RARG: variants seen among roughly 807,000 people sequenced by gnomAD.
RARG encodes the protein retinoic acid receptor gamma.
Under a neutral mutation model 43.7 loss-of-function variants are expected in RARG, and 17 were observed. That is an observed-to-expected ratio of 0.39 (90% CI 0.27 to 0.58). The LOEUF (loss-of-function observed/expected upper bound fraction) is 0.58. RARG is among the 20% of genes least tolerant of loss of function. The probability of loss-of-function intolerance (pLI) is 0.57; values close to 1 mark genes in which losing one functional copy is unlikely to be tolerated. For missense variants in RARG, 346 were observed against 598.7 expected, an observed-to-expected ratio of 0.58 and a Z score of 4.40; for synonymous variants, 238 against 236.4, an observed-to-expected ratio of 1.01 and a Z score of -0.06.
At chr12:53,216,901 A>T (rs1942788151) in intron 3 of RARG, among the ~76,000 whole-genome samples, 1 of 151,666 alleles carries the variant, frequency 6.6e-6, no homozygotes, top group Non-Finnish European at 1.5e-5. Flanking sequence ...TTTGTAAATT[A>T]TTCAACCTGT....
At chr12:53,226,574 C>T (rs2120726428) in intron 3 of RARG, among the ~76,000 whole-genome samples, 1 of 152,098 alleles carries the variant, frequency 6.6e-6, no homozygotes, top group South Asian at 2.1e-4. Flanking sequence ...ATCTGCCCTC[C>T]TTGGCCTCCC....
At chr12:53,217,221 G>T (rs1039620275) in intron 3 of RARG, among the ~76,000 whole-genome samples, 4 of 152,136 alleles carry the variant, frequency 2.6e-5, no homozygotes, top group South Asian at 2.1e-4. Context: ...GAGAGGAGAG[G>T]GGGGAAAGAA....
At position 53,213,772 on chromosome 12, in the gene RARG, TGAG is replaced by T. The variant is rs1303052612; in HGVS notation, c.814-75_814-73del. Reference sequence around the variant, plus strand: ...GGGAAAAGAGGGAATGAGTGGAAAGTGAGGAGGTTAGGTCCCCAGTGAGTGCAA... The same window carrying T: ...GGGAAAAGAGGGAATGAGTGGAAAGTGAGGTTAGGTCCCCAGTGAGTGCAA... On this transcript the variant is annotated intron_variant, in intron 7 of 9. Coordinates refer to ENST00000425354, the MANE Select transcript of RARG (RefSeq NM_000966.6). This position sits in a 1 kb window ranked among gnomAD's most constrained non-coding sequence, Gnocchi z 4.7. The T allele has an allele frequency of 7.5e-6, 11 of 1,458,008 alleles. No homozygotes were observed. Among genetic ancestry groups the T allele is most frequent in the Middle Eastern group, 1.8e-4 (1 of 5,574 alleles). 90.3% of individuals were successfully genotyped at this position (1,458,008 alleles called of 1,614,324 possible).
In RARG at chr12:53,213,242, G is replaced by T; in HGVS notation, c.1020C>A (p.Asp340Glu). The T allele has an allele frequency of 6.4e-7, 1 of 1,572,214 alleles. No homozygotes were observed. Among genetic ancestry groups the T allele is most frequent in the Non-Finnish European group, 8.8e-7 (1 of 1,142,576 alleles). Residue 340 changes from aspartate (D) to glutamate (E), a missense_variant and splice_region_variant, in exon 9 of 10, where the codon GAC (aspartate) becomes GAA (glutamate). Physicochemically the swap from Asp to Glu is conservative, Grantham distance 45. Transcript: ENST00000425354. The surrounding 1 kb of genome is among the most constrained non-coding windows in gnomAD (Gnocchi z 4.7). ...LLSAICLICG[D>E]RMDLEEPEKV... ...TTTCGGGCTCCTCCAGGTCCATGCGGTCTATGGGGACAAGTATACTGGAGT... is the reference window on the plus strand; with the variant it reads ...TTTCGGGCTCCTCCAGGTCCATGCGTTCTATGGGGACAAGTATACTGGAGT...
intron 2 of RARG, among the ~76,000 whole-genome samples, chr12:53,229,038 A>C (rs549524793): frequency 6.8e-4 from 104 of 152,190 alleles, no homozygotes; most frequent in African/African-American, 2.3e-3. Context: ...CCTAGTGCTA[A>C]GTAGGTGGTT....
Position 53,211,669 on chromosome 12 carries a change from G to T in RARG, c.*7C>A, listed in dbSNP as rs1444313094. The T allele has an allele frequency of 1.6e-5, 23 of 1,476,810 alleles. No homozygotes were observed. The highest frequency in any genetic ancestry group is 2.0e-5 in the Non-Finnish European group (22 of 1,115,878). 91.5% of individuals were successfully genotyped at this position (1,476,810 alleles called of 1,614,324 possible). A position where few individuals can be genotyped will look rare whatever the true frequency, so the allele number is the denominator to read the frequency against. ...AACCCCCACAGCGGGGAGGTCAGGG[G>T]CCCTGGTCAGGCTGGGGACTTCAGG... On this transcript the variant is annotated 3_prime_UTR_variant, in exon 10 of 10. Coordinates refer to ENST00000425354, the MANE Select transcript of RARG (RefSeq NM_000966.6). The surrounding 1 kb of genome is among the most constrained non-coding windows in gnomAD (Gnocchi z 4.6).
chr12:53,211,325 A>G lies in RARG; in HGVS notation c.*351T>C. The G allele has an allele frequency of 5.0e-6, 1 of 201,666 alleles. No homozygotes were observed. Among genetic ancestry groups the G allele is most frequent in the Non-Finnish European group, 1.0e-5 (1 of 100,318 alleles). 12.5% of individuals were successfully genotyped at this position (201,666 alleles called of 1,614,324 possible). On this transcript the variant is annotated 3_prime_UTR_variant, in exon 10 of 10. Coordinates refer to ENST00000425354, the MANE Select transcript of RARG (RefSeq NM_000966.6). This position sits in a 1 kb window ranked among gnomAD's most constrained non-coding sequence, Gnocchi z 4.6. Reference sequence around the variant, plus strand: ...GTTCCTGTTTGCTCTCAGAGAGCCAAGCACCTGGCAGAGGAAGGGGCTGTG... The same window carrying G: ...GTTCCTGTTTGCTCTCAGAGAGCCAGGCACCTGGCAGAGGAAGGGGCTGTG...
rs1331919553 is a variant in RARG at position 53,214,597 on chromosome 12, T to C, written c.485A>G (p.Asn162Ser). 11 of 1,603,288 alleles carry C rather than the reference T, an allele frequency of 6.9e-6. No homozygotes were observed. Among genetic ancestry groups the C allele is most frequent in the East Asian group, 2.2e-5 (1 of 44,512 alleles). The part of the protein sequence containing the change: ...EVGMSKEAVR[N>S]DRNKKKKEVK... ...CTCTTTCTTCTTCTTGTTCCGGTCA[T>C]TTCGCACAGCTTGTGGGTGGAGGCG... Residue 162 changes from asparagine (N) to serine (S), a missense_variant, in exon 6 of 10, where the codon AAT becomes AGT. Asn to Ser is a conservative substitution (Grantham distance 46). Transcript: ENST00000425354.
rs1942723491 is a variant in RARG at position 53,215,044 on chromosome 12, G to A, written c.475+249C>T. Among the ~76,000 whole-genome samples the A allele has an allele frequency of 6.6e-6, 1 of 152,212 alleles. No homozygotes were observed. Among genetic ancestry groups the A allele is most frequent in the African/African-American group, 2.4e-5 (1 of 41,460 alleles). On this transcript the variant is annotated intron_variant, in intron 5 of 9. Transcript: ENST00000425354. This position sits in a 1 kb window ranked among gnomAD's most constrained non-coding sequence, Gnocchi z 6.4. Reference sequence around the variant, plus strand: ...TGGCTTCATTTCCCCCATGAAACAGGGGGAATGTGAGACCCTACTTATTCA... The same window carrying A: ...TGGCTTCATTTCCCCCATGAAACAGAGGGAATGTGAGACCCTACTTATTCA...
Position 53,213,370 on chromosome 12 carries a change from C to A in RARG, c.1018+126G>T, listed in dbSNP as rs951956638. ...GGGTTTCAGAACTCTCTGGATGGGGCCAGGTGCAAGAATTACCAGCAGAAG... is the reference window on the plus strand; with the variant it reads ...GGGTTTCAGAACTCTCTGGATGGGGACAGGTGCAAGAATTACCAGCAGAAG... On this transcript the variant is annotated intron_variant, in intron 8 of 9. Transcript: ENST00000425354. The surrounding 1 kb of genome is among the most constrained non-coding windows in gnomAD (Gnocchi z 4.7). The A allele has an allele frequency of 1.4e-6, 2 of 1,479,482 alleles. No individual in the cohort carries two copies. Among genetic ancestry groups the A allele is most frequent in the African/African-American group, 1.4e-5 (1 of 72,038 alleles). The allele number at this position is 1,479,482 out of a possible 1,614,324, so 91.6% of individuals were successfully genotyped here. A position where few individuals can be genotyped will look rare whatever the true frequency, so the allele number is the denominator to read the frequency against.
intron 3 of RARG, among the ~76,000 whole-genome samples, chr12:53,223,029 C>T (rs77593308): frequency 6.6e-6 from 1 of 152,274 alleles, no homozygotes; most frequent in African/African-American, 2.4e-5. Context: ...GTACCCCTTC[C>T]CAACTAACAA....
chr12:53,222,602 A>T (rs1363987730), intron 3 of RARG, among the ~76,000 whole-genome samples: 2 of 152,152 alleles, frequency 1.3e-5, no homozygotes, highest in African/African-American at 4.8e-5. Context: ...AGTCCTCAAT[A>T]GCCCCCGTTT....
rs778124425 is a variant in RARG, at chr12:53,227,345, A to G, written c.184+17T>C. The G allele has an allele frequency of 2.4e-5, 37 of 1,514,554 alleles. No homozygotes were observed. Among genetic ancestry groups the G allele is most frequent in the Non-Finnish European group, 3.3e-5 (37 of 1,129,474 alleles). The allele number at this position is 1,514,554 out of a possible 1,614,324, so 93.8% of individuals were successfully genotyped here. A position where few individuals can be genotyped will look rare whatever the true frequency, so the allele number is the denominator to read the frequency against. On this transcript the variant is annotated intron_variant, in intron 3 of 9. Coordinates refer to ENST00000425354, the MANE Select transcript of RARG (RefSeq NM_000966.6). This position sits in a 1 kb window ranked among gnomAD's most constrained non-coding sequence, Gnocchi z 4.3. ...TGTTAACATTTGCCTTCATTCCCCA[A>G]GATCCCTGAGACTCACACAGAGAGG...
At chr12:53,212,344 G>GT (rs1184776371) in intron 9 of RARG, among the ~76,000 whole-genome samples, 1 of 152,206 alleles carries the variant, frequency 6.6e-6, no homozygotes, top group Non-Finnish European at 1.5e-5. Flanking sequence ...AATCTGAAAT[G>GT]TGACTACTGC....
chr12:53,213,248 G>A lies in RARG; in HGVS notation c.1019-5C>T, dbSNP rs752101018. On this transcript the variant is annotated splice_region_variant and splice_polypyrimidine_tract_variant and intron_variant, in intron 8 of 9. Transcript: ENST00000425354. This position sits in a 1 kb window ranked among gnomAD's most constrained non-coding sequence, Gnocchi z 4.7. ...GCTCCTCCAGGTCCATGCGGTCTAT[G>A]GGGACAAGTATACTGGAGTGAGAGG... The A allele has an allele frequency of 4.5e-6, 7 of 1,566,344 alleles. No individual in the cohort carries two copies. Among genetic ancestry groups the A allele is most frequent in the Non-Finnish European group, 6.2e-6 (7 of 1,137,546 alleles).
At chr12:53,212,775 CACACATACTT>C (rs1942639355) in intron 9 of RARG, among the ~76,000 whole-genome samples, 1 of 150,000 alleles carries the variant, frequency 6.7e-6, no homozygotes, top group African/African-American at 2.5e-5. Context: ...CACACACACA[CACACATACTT>C]GGAATTGTGC....
intron 3 of RARG, chr12:53,220,501 G>T (rs1942926977): frequency 4.4e-6 from 2 of 453,446 alleles, no homozygotes; most frequent in Non-Finnish European, 7.3e-6. Flanking sequence ...CGCGGCGCGC[G>T]CGCTTGCTTA....
In RARG at chr12:53,213,693, C is replaced by T. The variant is rs1471979738; in HGVS notation, c.821G>A (p.Arg274His). 1.2e-6 allele frequency: 2 copies of T among 1,611,632 alleles called. No individual in the cohort carries two copies. The highest frequency in any genetic ancestry group is 2.7e-5 in the African/African-American group (2 of 74,550). The change falls in exon 8 of 10, where the codon CGT becomes CAT. Residue 274 changes from arginine (R) to histidine (H), a missense_variant. Physicochemically the swap from Arg to His is conservative, Grantham distance 29 (BLOSUM62 0). This residue lies in a region of RARG where 37 missense variants were observed against 146.3 expected (regional missense o/e 0.25). Coordinates refer to ENST00000425354, the MANE Select transcript of RARG (RefSeq NM_000966.6). This position sits in a 1 kb window ranked among gnomAD's most constrained non-coding sequence, Gnocchi z 4.7. ...KAACLDILML[R>H]ICTRYTPEQD... ...CTCTGGGGTGTACCTTGTGCAGATA[C>T]GCAGCATCTGGAGGTGGGGGGTGGA...
At chr12:53,212,735 T>TACACACAC (rs200052709) in intron 9 of RARG, among the ~76,000 whole-genome samples, 8 of 136,940 alleles carry the variant, frequency 5.8e-5, no homozygotes, top group East Asian at 4.4e-4. Flanking sequence ...TAAATATATA[T>TACACACAC]ATACACACAC....
Sources: allele counts gnomAD v4.1 joint callset (sites outside exome capture counted in the v4.1 genomes callset), GRCh38; gene constraint gnomAD v4.1.1; regional missense constraint gnomAD v4.1.1; non-coding constraint Gnocchi (gnomAD v3.1); transcripts MANE v1.5; gene names NCBI Gene and HGNC (gene_info 2026-07-23, HGNC 2026-07-21).